TTC34: variants seen among roughly 807,000 people sequenced by gnomAD.
The protein encoded by TTC34 is tetratricopeptide repeat protein 34.
A neutral mutation model predicts 40.7 loss-of-function variants in TTC34; 44 were observed. The ratio of observed to expected loss-of-function variants is 1.08; its 90% CI spans 0.85 to 1.39. TTC34 has a LOEUF of 1.39. Among genes scored for constraint, TTC34 ranks in the 40% most tolerant of loss-of-function variants. TTC34 has a pLI of 0.00. For synonymous variants in TTC34, 422 were observed against 398.6 expected, an observed-to-expected ratio of 1.06 and a Z score of -0.70; for missense variants, 884 against 838.0, an observed-to-expected ratio of 1.05 and a Z score of -0.68.
chr1:2,784,565 G>A (rs550824499), intron 5 of TTC34, among the ~76,000 whole-genome samples: 1 of 152,228 alleles, frequency 6.6e-6, no homozygotes, highest in South Asian at 2.1e-4. Context: ...CCCAGACACT[G>A]GTGTTACCAC....
At chr1:2,697,246 C>T (rs1044835594) in intron 6 of TTC34, among the ~76,000 whole-genome samples, 2 of 98,266 alleles carry the variant, frequency 2.0e-5, no homozygotes, top group East Asian at 3.0e-4. Context: ...CCCTGCACCC[C>T]CAGGTGAGCA....
intron 6 of TTC34, among the ~76,000 whole-genome samples, chr1:2,684,948 C>A (rs6662065): frequency 9.7e-6 from 1 of 103,202 alleles, no homozygotes. Context: ...GCCTGGAGCA[C>A]CACCCACACC....
At chr1:2,638,091 ACCTGGCCAGGTG>A (rs1204811160) in exon 9 of TTC34, 1 of 152,126 alleles carries the variant, frequency 6.6e-6, no homozygotes, top group Non-Finnish European at 1.5e-5. Context: ...TGATAAGCTT[ACCTGGCCAGGTG>A]CCTAGAAATG....
At chr1:2,759,594 C>A in intron 6 of TTC34, among the ~76,000 whole-genome samples, 1 of 152,284 alleles carries the variant, frequency 6.6e-6, no homozygotes, top group Non-Finnish European at 1.5e-5. Context: ...GAACAGCACC[C>A]ACACCGCCAG....
chr1:2,682,104 C>A (rs1272930319), intron 6 of TTC34, among the ~76,000 whole-genome samples: 3 of 131,188 alleles, frequency 2.3e-5, no homozygotes, highest in South Asian at 2.5e-4. Context: ...GCAGCACCCA[C>A]ACCCCCAGGT....
chr1:2,674,833 A>C (rs1314070293), intron 6 of TTC34, among the ~76,000 whole-genome samples: 2 of 100,054 alleles, frequency 2.0e-5, no homozygotes, highest in Non-Finnish European at 2.4e-5. Context: ...CTGGAGCAGC[A>C]CCCACAACCA....
At chr1:2,785,478 G>A (rs1374463057) in intron 5 of TTC34, among the ~76,000 whole-genome samples, 1 of 152,286 alleles carries the variant, frequency 6.6e-6, no homozygotes, top group African/African-American at 2.4e-5. Context: ...GAAGGGCTGA[G>A]GGGAGCAGGG....
At chr1:2,672,459 GAGC>G (rs1639735162) in intron 6 of TTC34, among the ~76,000 whole-genome samples, 1 of 98,112 alleles carries the variant, frequency 1.0e-5, no homozygotes, top group Non-Finnish European at 2.7e-5. Context: ...GTAGAGTCTG[GAGC>G]AGCGCCCACA....
intron 6 of TTC34, among the ~76,000 whole-genome samples, chr1:2,751,289 C>T (rs1355660856): frequency 7.9e-6 from 1 of 127,216 alleles, no homozygotes; most frequent in Admixed American, 8.1e-5. Flanking sequence ...ACCCACACAC[C>T]CAGGTGAGCA....
At chr1:2,685,960 C>A (rs1285999958) in intron 6 of TTC34, among the ~76,000 whole-genome samples, 7 of 134,908 alleles carry the variant, frequency 5.2e-5, no homozygotes, top group Non-Finnish European at 8.0e-5. Context: ...GCACCCACAC[C>A]CACAGGCGAG....
chr1:2,683,372 G>T (rs577727558), intron 6 of TTC34, among the ~76,000 whole-genome samples: 28 of 131,422 alleles, frequency 2.1e-4, no homozygotes, highest in African/African-American at 7.3e-4. Flanking sequence ...GCATCTGATG[G>T]CTTGGAACAG....
At chr1:2,643,389 C>A (rs1011688017) in intron 8 of TTC34, among the ~76,000 whole-genome samples, 7 of 152,252 alleles carry the variant, frequency 4.6e-5, no homozygotes, top group Non-Finnish European at 7.3e-5. Flanking sequence ...CCTCGGAGAC[C>A]CGCGTCCAGC....
chr1:2,757,008 C>CATCGCATGGCAT (rs1641528906), intron 6 of TTC34, among the ~76,000 whole-genome samples: 1 of 95,568 alleles, frequency 1.0e-5, no homozygotes, highest in Admixed American at 1.1e-4. Flanking sequence ...CCTCTGACAG[C>CATCGCATGGCAT]CTGGAACAGC....
chr1:2,695,661 G>T (rs1366252105), intron 6 of TTC34, among the ~76,000 whole-genome samples: 3 of 112,932 alleles, frequency 2.7e-5, no homozygotes, highest in Non-Finnish European at 3.8e-5. Flanking sequence ...TGACCGCCTG[G>T]AACAGCACCC....
chr1:2,790,226 C>T (rs1014796751), exon 3 of TTC34: 6 of 398,282 alleles, frequency 1.5e-5, no homozygotes, highest in Admixed American at 4.4e-5. Flanking sequence ...GAACTGCCTC[C>T]GCGCCCCAGA....
At chr1:2,790,954 T>A (rs1013021321) in intron 2 of TTC34, among the ~76,000 whole-genome samples, 1 of 151,958 alleles carries the variant, frequency 6.6e-6, no homozygotes, top group Non-Finnish European at 1.5e-5. Flanking sequence ...ATTTACGGAG[T>A]CTCCTGCGTC....
intron 2 of TTC34, among the ~76,000 whole-genome samples, chr1:2,791,805 T>C (rs1488628510): frequency 6.6e-6 from 1 of 151,908 alleles, no homozygotes; most frequent in Non-Finnish European, 1.5e-5. Context: ...CGTGAAAGGG[T>C]GATCTCTCCT....
intron 6 of TTC34, among the ~76,000 whole-genome samples, chr1:2,769,817 GA>G (rs1465960784): frequency 2.5e-5 from 3 of 121,126 alleles, no homozygotes; most frequent in Admixed American, 7.8e-5. Flanking sequence ...TGACAGCCTG[GA>G]GCAGGCGCCC....
chr1:2,685,562 C>G (rs1191435558), intron 6 of TTC34, among the ~76,000 whole-genome samples: 17 of 120,294 alleles, frequency 1.4e-4, no homozygotes, highest in Admixed American at 9.9e-4. Flanking sequence ...CCCACACTCC[C>G]AGGCGAGTAT....
Sources: allele counts gnomAD v4.1 joint callset (sites outside exome capture counted in the v4.1 genomes callset), GRCh38; gene constraint gnomAD v4.1.1; transcripts MANE v1.5; gene names NCBI Gene and HGNC (gene_info 2026-07-23, HGNC 2026-07-21).